NPR1: variants seen among roughly 807,000 people sequenced by gnomAD.
NPR1 encodes atrial natriuretic peptide receptor 1.
In NPR1, 57 loss-of-function variants were observed where a neutral mutation model predicts 116.9. The observed-to-expected ratio is 0.49, with a 90% CI of 0.39 to 0.61. The LOEUF (loss-of-function observed/expected upper bound fraction) is 0.61, where lower values mean the gene tolerates loss of function less well. Among genes scored for constraint, NPR1 ranks in the 20% least tolerant of loss-of-function variants. The pLI is 0.00. For synonymous variants in NPR1, 555 were observed against 601.6 expected, an observed-to-expected ratio of 0.92 and a Z score of 1.13; for missense variants, 1,096 against 1,409.8, an observed-to-expected ratio of 0.78 and a Z score of 3.56.
chr1:153,683,327 T>C (rs1306358678), intron 5 of NPR1, 49 bp from the exon 6 acceptor site: 3 of 1,590,746 alleles, frequency 1.9e-6, no homozygotes, highest in Admixed American at 3.5e-5. Flanking sequence ...ACTCACAGCA[T>C]GCCTTCCCCG....
intron 3 of NPR1, 112 bp from the exon 4 acceptor site, chr1:153,681,592 A>AT: frequency 8.3e-7 from 1 of 1,200,612 alleles, no homozygotes; most frequent in East Asian, 2.4e-5. Context: ...TAGGGGTGTT[A>AT]TTTTCTCCCA....
At position 153,686,709 on chromosome 1, in the gene NPR1, A is replaced by T; in HGVS notation, c.1822A>T (p.Ile608Phe). The T allele has an allele frequency of 6.2e-7, 1 of 1,613,810 alleles. No homozygotes were observed. The highest frequency in any genetic ancestry group is 1.3e-5 in the African/African-American group (1 of 74,960). Reference sequence around the variant, plus strand: ...GGGAGCCTGCACCGACCCCCCCAATATCTGCATCCTCACAGAGTACTGTCC... The same window carrying T: ...GGGAGCCTGCACCGACCCCCCCAATTTCTGCATCCTCACAGAGTACTGTCC... The part of the protein sequence containing the change: ...FVGACTDPPN[I>F]CILTEYCPRG... Residue 608 changes from isoleucine (I) to phenylalanine (F), a missense_variant, in exon 11 of 22, where the codon ATC (isoleucine) becomes TTC (phenylalanine). Transcript: ENST00000368680.
At chr1:153,686,440 G>A (rs1223473906) in intron 10 of NPR1, among the ~76,000 whole-genome samples, 1 of 151,626 alleles carries the variant, frequency 6.6e-6, no homozygotes, top group African/African-American at 2.4e-5. Context: ...CCCTGGGGGA[G>A]AGAGGGCTTA....
chr1:153,683,011 C>T (rs781233056), intron 5 of NPR1, among the ~76,000 whole-genome samples: 2 of 152,162 alleles, frequency 1.3e-5, no homozygotes, highest in Non-Finnish European at 2.9e-5. Context: ...ACTGGGCCTG[C>T]GAATGTAGGC....
chr1:153,684,574 T>C (rs1056496442), intron 7 of NPR1, among the ~76,000 whole-genome samples: 2 of 151,914 alleles, frequency 1.3e-5, no homozygotes, highest in African/African-American at 4.8e-5. Context: ...GTATTTTTAG[T>C]AGAGACAGGG....
At position 153,681,774 on chromosome 1, in the gene NPR1, C is replaced by A. The variant is rs1293889739; in HGVS notation, c.1106C>A (p.Ala369Glu). The change falls in exon 4 of 22, where the codon GCA (alanine) becomes GAA (glutamate). Residue 369 changes from alanine (A) to glutamate (E), a missense_variant. Transcript: ENST00000368680. ...LYIQAVTETL[A>E]HGGTVTDGEN... The stretch of plus-strand genomic sequence containing the variant: ...ATCCAGGCAGTGACGGAGACTCTGG[C>A]ACATGGGGGAACTGTTACTGATGGG... 1 of 1,614,050 alleles carries A rather than the reference C, an allele frequency of 6.2e-7. No individual in the cohort carries two copies. The highest frequency in any genetic ancestry group is 8.5e-7 in the Non-Finnish European group (1 of 1,180,006).
rs139963263 is a variant in NPR1 at position 153,689,462 on chromosome 1, C to T, written c.2698C>T (p.Leu900=). The part of the protein sequence containing the change: ...AESTPMQVVT[L]LNDLYTCFDA... ...TTCTCTTCCCTTCCAGGTGGTGACCCTGCTCAATGACCTGTACACTTGCTT... is the reference window on the plus strand; with the variant it reads ...TTCTCTTCCCTTCCAGGTGGTGACCTTGCTCAATGACCTGTACACTTGCTT... Residue 900 remains leucine (L), a synonymous_variant, in exon 18 of 22, where the codon CTG becomes TTG. Transcript: ENST00000368680. This position sits in a 1 kb window ranked among gnomAD's most constrained non-coding sequence, Gnocchi z 5.1. 6.2e-7 allele frequency: 1 copy of T among 1,614,148 alleles called. No homozygotes were observed. The highest frequency in any genetic ancestry group is 1.1e-5 in the South Asian group (1 of 91,078).
intron 7 of NPR1, 106 bp downstream of exon 7, chr1:153,683,930 C>T: frequency 1.1e-6 from 1 of 879,314 alleles, no homozygotes; most frequent in South Asian, 1.4e-5. Flanking sequence ...GAAGGGGCAC[C>T]AGGGGAAAAC....
In NPR1 at chr1:153,690,023, C is replaced by T. The variant is rs1180000211; in HGVS notation, c.2932+43C>T. ...GCAGGCGGGCATCCAGAGGCCAAGG[C>T]TTCGCAAGGGAAACTTGTCCCCTGG... On this transcript the variant is annotated intron_variant, in intron 19 of 21. Coordinates refer to ENST00000368680, the MANE Select transcript of NPR1 (RefSeq NM_000906.4). 6 of 1,453,908 alleles carry T rather than the reference C, an allele frequency of 4.1e-6. No individual in the cohort carries two copies. In the Admixed American group the frequency reaches 1.5e-4, roughly 35 times the overall value. The allele number at this position is 1,453,908 out of a possible 1,614,324, so 90.1% of individuals were successfully genotyped here.
chr1:153,687,531 ACT>A (rs1479333438), intron 13 of NPR1, 101 bp from the exon 14 acceptor site: 1 of 1,482,962 alleles, frequency 6.7e-7, no homozygotes, highest in Non-Finnish European at 9.1e-7. Context: ...TAGCTCTAAC[ACT>A]CTGTGATGCA....
intron 13 of NPR1, 113 bp downstream of exon 13, chr1:153,687,469 A>C (rs1028539329): frequency 6.7e-7 from 1 of 1,493,818 alleles, no homozygotes; most frequent in Non-Finnish European, 9.0e-7. Flanking sequence ...GCCTCAATTC[A>C]TTCACCCATG....
At chr1:153,691,970 A>G (rs1336358120) in intron 20 of NPR1, among the ~76,000 whole-genome samples, 2 of 152,054 alleles carry the variant, frequency 1.3e-5, no homozygotes, top group Admixed American at 6.6e-5. Context: ...TGCAAACCCC[A>G]GAAGTAGGGA....
intron 19 of NPR1, 94 bp from the exon 20 acceptor site, chr1:153,690,190 C>A: frequency 2.0e-6 from 2 of 990,844 alleles, no homozygotes; most frequent in Non-Finnish European, 3.1e-6. Context: ...CAGATCCTGC[C>A]TCCTGCCTGT....
intron 7 of NPR1, among the ~76,000 whole-genome samples, chr1:153,684,432 G>C (rs1253808960): frequency 1.8e-5 from 2 of 110,278 alleles, no homozygotes; most frequent in African/African-American, 7.0e-5. Context: ...TCGCTCTGTT[G>C]CCAGACTGGA....
In NPR1 at chr1:153,679,019, G is replaced by A; in HGVS notation, c.-90G>A. ...CGCTCCTGCTCCTTCCCATAGGGAC[G>A]CGCCTGATGCCTGGGACCGGCCGCT... On this transcript the variant is annotated 5_prime_UTR_variant, in exon 1 of 22. Coordinates refer to ENST00000368680, the MANE Select transcript of NPR1 (RefSeq NM_000906.4). This position sits in a 1 kb window ranked among gnomAD's most constrained non-coding sequence, Gnocchi z 4.2. 1 of 1,345,712 alleles carries A rather than the reference G, an allele frequency of 7.4e-7. No individual in the cohort carries two copies. The highest frequency in any genetic ancestry group is 9.5e-7 in the Non-Finnish European group (1 of 1,048,748). 83.4% of individuals were successfully genotyped at this position (1,345,712 alleles called of 1,614,324 possible).
chr1:153,681,043 C>T, intron 2 of NPR1, 137 bp from the exon 3 acceptor site: 1 of 640,018 alleles, frequency 1.6e-6, no homozygotes, highest in South Asian at 1.8e-5. Flanking sequence ...TCACTTCATG[C>T]AGGGCATAGG....
At position 153,681,238 on chromosome 1, in the gene NPR1, A is replaced by G. The variant is rs140994188; in HGVS notation, c.980A>G (p.Lys327Arg). 8 of 1,613,804 alleles carry G rather than the reference A, an allele frequency of 5.0e-6. No individual in the cohort carries two copies. The highest frequency in any genetic ancestry group is 5.9e-6 in the Non-Finnish European group (7 of 1,179,908). The change falls in exon 3 of 22, where the codon AAG becomes AGG. Residue 327 changes from lysine (K) to arginine (R), a missense_variant. Transcript: ENST00000368680. ...AATCCCGAGTACTTGGAATTCCTGA[A>G]GCAGTTAAAACACCTGGCCTATGAG... ...PDNPEYLEFL[K>R]QLKHLAYEQF...
intron 20 of NPR1, 29 bp downstream of exon 20, chr1:153,690,411 G>A (rs1430055993): frequency 6.6e-7 from 1 of 1,513,290 alleles, no homozygotes; most frequent in Non-Finnish European, 9.0e-7. Context: ...GAGGGAATGG[G>A]GAGGGCAGGG....
chr1:153,679,471 C>G lies in NPR1; in HGVS notation c.363C>G (p.Ala121=). The change falls in exon 1 of 22, where the codon GCC becomes GCG. Residue 121 remains alanine, a synonymous_variant. Transcript: ENST00000368680. This position sits in a 1 kb window ranked among gnomAD's most constrained non-coding sequence, Gnocchi z 4.2. ...AVFLGPGCVY[A]AAPVGRFTAH... ...TCCTGGGCCCCGGCTGCGTGTACGC[C>G]GCCGCCCCAGTGGGGCGCTTCACCG... 1 of 1,540,946 alleles carries G rather than the reference C, an allele frequency of 6.5e-7. No homozygotes were observed.
Sources: gnomAD v4.1 joint callset for allele counts (sites outside exome capture counted in the v4.1 genomes callset) on GRCh38, gnomAD v4.1.1 for gene constraint, Gnocchi (gnomAD v3.1) non-coding constraint, MANE v1.5 for transcripts, NCBI Gene and HGNC (gene_info 2026-07-23, HGNC 2026-07-21) for gene names.